SCAI: variants seen among roughly 807,000 people sequenced by gnomAD.
The protein encoded by SCAI is protein SCAI.
A neutral mutation model predicts 92.2 loss-of-function variants in SCAI; 24 were observed. That is an observed-to-expected ratio of 0.26 (90% CI 0.19 to 0.37). The LOEUF (loss-of-function observed/expected upper bound fraction) is 0.37. Ranked by LOEUF, SCAI falls within the 10% of genes least tolerant of loss-of-function variation. The pLI is 1.00. For missense variants in SCAI, 450 were observed against 736.2 expected (o/e 0.61, Z 4.50); for synonymous variants, 261 against 258.6 (o/e 1.01, Z -0.09).
At position 124,966,550 on chromosome 9, in the gene SCAI, C is replaced by G. The variant is rs1330473344; in HGVS notation, c.1674+4820G>C. Among the ~76,000 whole-genome samples, 3 of 151,986 alleles carry G rather than the reference C, an allele frequency of 2.0e-5. No individual in the cohort carries two copies. The East Asian group carries it at 5.8e-4, about 29-fold the overall frequency. ...TCATTCATAATAGATTTGTATATATCTTATAGTAGTAAATGATAAAATAGA... is the reference window on the plus strand; with the variant it reads ...TCATTCATAATAGATTTGTATATATGTTATAGTAGTAAATGATAAAATAGA... On this transcript the variant is annotated intron_variant, in intron 17 of 17. Coordinates refer to ENST00000336505, the MANE Select transcript of SCAI (RefSeq NM_001144877.3).
At chr9:125,018,758 T>C in intron 9 of SCAI, 41 bp downstream of exon 9, 1 of 1,533,380 alleles carries the variant, frequency 6.5e-7, no homozygotes, top group East Asian at 2.3e-5. Context: ...GCACTATTTT[T>C]CACAGTGAAT....
In SCAI at chr9:125,137,729, T is replaced by C. The variant is rs1341315617; in HGVS notation, c.98+4904A>G. On this transcript the variant is annotated intron_variant, in intron 2 of 17. Coordinates refer to ENST00000336505, the MANE Select transcript of SCAI (RefSeq NM_001144877.3). ...GATTCTCTGGCCTCAGCCTCCTGAGTACCTGTGATTACAGGCACGCGCCAC... is the reference window on the plus strand; with the variant it reads ...GATTCTCTGGCCTCAGCCTCCTGAGCACCTGTGATTACAGGCACGCGCCAC... 2.6e-5 allele frequency among the ~76,000 whole-genome samples: 4 copies of C among 152,232 alleles called. No individual in the cohort carries two copies. The East Asian group carries it at 7.7e-4, about 29-fold the overall frequency.
intron 3 of SCAI, among the ~76,000 whole-genome samples, chr9:125,030,993 T>C (rs1205985550): frequency 6.6e-6 from 1 of 152,204 alleles, no homozygotes; most frequent in African/African-American, 2.4e-5. Context: ...TTCAGCCTCA[T>C]CTTCGAGGGC....
At chr9:125,107,782 A>T (rs1834831574) in intron 2 of SCAI, among the ~76,000 whole-genome samples, 2 of 152,170 alleles carry the variant, frequency 1.3e-5, no homozygotes, top group South Asian at 4.2e-4. Context: ...AATAAATTTT[A>T]AAATGAGTAA....
intron 2 of SCAI, among the ~76,000 whole-genome samples, chr9:125,065,755 G>T (rs1413759180): frequency 6.6e-6 from 1 of 152,142 alleles, no homozygotes; most frequent in Non-Finnish European, 1.5e-5. Flanking sequence ...CTTATTTTAG[G>T]AATGTAAAGT....
intron 2 of SCAI, among the ~76,000 whole-genome samples, chr9:125,112,801 C>A (rs771135656): frequency 4.6e-5 from 7 of 152,150 alleles, no homozygotes; most frequent in East Asian, 1.9e-4. Context: ...TCTTGTAGTG[C>A]CAGAAAGGGA....
chr9:125,103,803 A>G (rs1351054124), intron 2 of SCAI, among the ~76,000 whole-genome samples: 1 of 152,208 alleles, frequency 6.6e-6, no homozygotes, highest in Non-Finnish European at 1.5e-5. Flanking sequence ...CATTCAAACT[A>G]TACACTCTTG....
At chr9:125,108,483 C>T (rs1421132188) in intron 2 of SCAI, among the ~76,000 whole-genome samples, 7 of 151,718 alleles carry the variant, frequency 4.6e-5, no homozygotes, top group Non-Finnish European at 1.0e-4. Context: ...TCTGCCCCGC[C>T]GCCCCGTCTG....
chr9:125,034,159 G>A (rs1833141986), intron 3 of SCAI, among the ~76,000 whole-genome samples: 1 of 152,132 alleles, frequency 6.6e-6, no homozygotes, highest in Admixed American at 6.6e-5. Context: ...GAGGGAGCTG[G>A]CAAAATACAC....
At chr9:125,139,704 G>A (rs1024025465) in intron 2 of SCAI, among the ~76,000 whole-genome samples, 1 of 152,170 alleles carries the variant, frequency 6.6e-6, no homozygotes, top group Non-Finnish European at 1.5e-5. Context: ...AATAAGCAAT[G>A]AGGAAGCACA....
chr9:124,968,237 A>G, intron 17 of SCAI: 2 of 1,017,564 alleles, frequency 2.0e-6, no homozygotes, highest in Middle Eastern at 6.3e-4. Flanking sequence ...TCAGCTGCAT[A>G]ATGAAGCTGG....
chr9:125,077,254 A>T (rs1374590543), intron 2 of SCAI, among the ~76,000 whole-genome samples: 3 of 152,256 alleles, frequency 2.0e-5, no homozygotes, highest in Non-Finnish European at 4.4e-5. Flanking sequence ...CAAAGGAGAA[A>T]GAAAAATTAC....
intron 6 of SCAI, 151 bp downstream of exon 6, chr9:125,026,661 T>A (rs773652960): frequency 2.2e-6 from 1 of 448,324 alleles, no homozygotes; most frequent in Non-Finnish European, 4.0e-6. Context: ...AACTTCTCTA[T>A]GCTTTCGAAG....
chr9:125,143,008 C>G (rs1240258886), intron 1 of SCAI, among the ~76,000 whole-genome samples: 1 of 150,992 alleles, frequency 6.6e-6, no homozygotes, highest in African/African-American at 2.4e-5. Context: ...GCAAGCCCCC[C>G]TAGCCTCCCC....
At chr9:125,031,076 A>G (rs1166875953) in intron 3 of SCAI, among the ~76,000 whole-genome samples, 2 of 152,156 alleles carry the variant, frequency 1.3e-5, no homozygotes, top group Non-Finnish European at 2.9e-5. Context: ...GACAAAACAG[A>G]TTTGGGAAAG....
At chr9:125,072,533 G>T (rs1439628491) in intron 2 of SCAI, among the ~76,000 whole-genome samples, 1 of 151,876 alleles carries the variant, frequency 6.6e-6, no homozygotes, top group South Asian at 2.1e-4. Context: ...CTTTTTTATT[G>T]TGGTAAAATA....
chr9:124,977,121 G>A (rs1372362690), intron 14 of SCAI, among the ~76,000 whole-genome samples: 7 of 151,860 alleles, frequency 4.6e-5, no homozygotes, highest in Non-Finnish European at 1.0e-4. Context: ...CACCCACCTC[G>A]GCCTCCCAAA....
At chr9:125,130,988 G>A (rs929928623) in intron 2 of SCAI, among the ~76,000 whole-genome samples, 1 of 112,994 alleles carries the variant, frequency 8.9e-6, no homozygotes, top group Non-Finnish European at 1.7e-5. Context: ...ACTATATTGT[G>A]CAGGCTGGGC....
chr9:125,043,215 CAA>C (rs906901475), intron 3 of SCAI, among the ~76,000 whole-genome samples: 17 of 152,234 alleles, frequency 1.1e-4, no homozygotes, highest in Admixed American at 5.2e-4. Context: ...AAGCTGTGGT[CAA>C]AGGCAAAGGA....
Sources: gnomAD v4.1 joint callset for allele counts (sites outside exome capture counted in the v4.1 genomes callset) on GRCh38, gnomAD v4.1.1 for gene constraint, MANE v1.5 for transcripts, NCBI Gene and HGNC (gene_info 2026-07-23, HGNC 2026-07-21) for gene names.